RTF2: variants seen among roughly 807,000 people sequenced by gnomAD.
RTF2 encodes replication termination factor 2.
Under a neutral mutation model 38.0 loss-of-function variants are expected in RTF2, and 18 were observed. The observed-to-expected ratio is 0.47, with a 90% CI of 0.33 to 0.70. RTF2 has a LOEUF of 0.70. Ranked by LOEUF, RTF2 falls within the 30% of genes least tolerant of loss-of-function variation. The pLI, the probability that RTF2 is intolerant of heterozygous loss-of-function variation, is 0.02. For missense variants in RTF2, 311 were observed against 379.6 expected (o/e 0.82, Z 1.50); for synonymous variants, 126 against 137.1 (o/e 0.92, Z 0.57).
intron 6 of RTF2, 35 bp from the exon 7 acceptor site, chr20:56,516,900 G>C: frequency 1.2e-6 from 2 of 1,606,882 alleles, no homozygotes; most frequent in Non-Finnish European, 1.7e-6. Context: ...GAGTGAATCT[G>C]AGCACAGCCT....
intron 5 of RTF2, among the ~76,000 whole-genome samples, chr20:56,509,341 G>A (rs989727613): frequency 6.6e-6 from 1 of 152,196 alleles, no homozygotes; most frequent in Non-Finnish European, 1.5e-5. Flanking sequence ...AAATGGGCTG[G>A]TTGCAGTGGC....
At chr20:56,499,194 C>CTTTT (rs774875921) in intron 5 of RTF2, among the ~76,000 whole-genome samples, 14 of 133,038 alleles carry the variant, frequency 1.1e-4, no homozygotes, top group African/African-American at 3.4e-4. Context: ...TAATACTTAT[C>CTTTT]TTTTTTTTTT....
chr20:56,497,780 A>G, intron 5 of RTF2: 1 of 353,480 alleles, frequency 2.8e-6, no homozygotes, highest in South Asian at 2.6e-5. Flanking sequence ...AATCAAGATA[A>G]CAAGCATTTC....
chr20:56,477,472 T>C (rs1320711944), intron 4 of RTF2, among the ~76,000 whole-genome samples: 1 of 152,198 alleles, frequency 6.6e-6, no homozygotes, highest in Non-Finnish European at 1.5e-5. Flanking sequence ...AAAGAGCAAA[T>C]GTTTCCTATC....
Position 56,477,001 on chromosome 20 carries a change from A to G in RTF2, c.275A>G (p.Lys92Arg), listed in dbSNP as rs141536737. The G allele has an allele frequency of 3.1e-6, 5 of 1,613,948 alleles. No individual in the cohort carries two copies. Among genetic ancestry groups the G allele is most frequent in the Non-Finnish European group, 4.2e-6 (5 of 1,179,950 alleles). ...TTTTCCCAGAATGTGACAGAGCTGA[A>G]GCTTTCTGATAATCCTGCCTGGGAA... ...IKSIKNVTEL[K>R]LSDNPAWEGD... Residue 92 changes from lysine to arginine, a missense_variant, in exon 4 of 9, where the codon AAG becomes AGG. Physicochemically the swap from Lys to Arg is conservative, Grantham distance 26. Transcript: ENST00000357348.
Position 56,518,367 on chromosome 20 carries a change from T to G in RTF2, c.*102T>G. 1 of 1,205,420 alleles carries G rather than the reference T, an allele frequency of 8.3e-7. No homozygotes were observed. Among genetic ancestry groups the G allele is most frequent in the Non-Finnish European group, 1.2e-6 (1 of 858,576 alleles). 74.7% of individuals were successfully genotyped at this position (1,205,420 alleles called of 1,614,324 possible). ...GCGCTGCTGTGTGTTCTCTCTATAG[T>G]TCTGTGTCATAAAGCTGTCCTGGCC... On this transcript the variant is annotated 3_prime_UTR_variant, in exon 9 of 9. Transcript: ENST00000357348.
intron 5 of RTF2, chr20:56,496,590 G>A: frequency 6.9e-7 from 1 of 1,451,760 alleles, no homozygotes; most frequent in African/African-American, 1.4e-5. Context: ...TCTATCTGCT[G>A]CTGTTGCTGC....
intron 4 of RTF2, among the ~76,000 whole-genome samples, chr20:56,478,335 T>A (rs972695495): frequency 2.0e-5 from 3 of 151,382 alleles, no homozygotes; most frequent in African/African-American, 4.9e-5. Flanking sequence ...CGAAACAAAA[T>A]TTTTTTTTAA....
At chr20:56,506,174 T>C (rs1382039274) in intron 5 of RTF2, among the ~76,000 whole-genome samples, 2 of 152,228 alleles carry the variant, frequency 1.3e-5, no homozygotes, top group African/African-American at 4.8e-5. Context: ...CTGTGTCCAA[T>C]GTGGGCAGAA....
chr20:56,480,053 G>C (rs1049415479), intron 4 of RTF2, among the ~76,000 whole-genome samples: 16 of 152,116 alleles, frequency 1.1e-4, no homozygotes, highest in African/African-American at 3.1e-4. Context: ...GGCCTGTCCT[G>C]ATGCTTTGAA....
chr20:56,473,417 A>C (rs768994516), intron 2 of RTF2, 22 bp downstream of exon 2: 8 of 1,514,528 alleles, frequency 5.3e-6, no homozygotes, highest in Non-Finnish European at 6.3e-6. Context: ...ACACTTAATC[A>C]AGATGAGTTT....
intron 6 of RTF2, 32 bp from the exon 7 acceptor site, chr20:56,516,903 C>T: frequency 6.2e-7 from 1 of 1,608,030 alleles, no homozygotes; most frequent in Non-Finnish European, 8.5e-7. Flanking sequence ...TGAATCTGAG[C>T]ACAGCCTCCA....
At chr20:56,471,946 C>T (rs1981994189) in intron 1 of RTF2, among the ~76,000 whole-genome samples, 1 of 152,194 alleles carries the variant, frequency 6.6e-6, no homozygotes, top group South Asian at 2.1e-4. Flanking sequence ...TTCAGAGGGC[C>T]AGGTGTGTTG....
Position 56,517,034 on chromosome 20 carries a change from A to C in RTF2, c.646+45A>C, listed in dbSNP as rs757235236. ...CCTTATTTTAGCAAAATGCGACTCT[A>C]GGGCAGTCTGCTAATATGTTCATGC... On this transcript the variant is annotated intron_variant, in intron 7 of 8. Transcript: ENST00000357348. The C allele has an allele frequency of 2.5e-6, 4 of 1,605,976 alleles. No individual in the cohort carries two copies. In the African/African-American group the frequency reaches 5.4e-5, roughly 21 times the overall value.
At chr20:56,477,225 C>A in intron 4 of RTF2, 101 bp downstream of exon 4, 1 of 1,410,758 alleles carries the variant, frequency 7.1e-7, no homozygotes, top group Non-Finnish European at 9.8e-7. Context: ...GGCTTGCTTT[C>A]TGGTGTCCTT....
intron 5 of RTF2, among the ~76,000 whole-genome samples, chr20:56,492,876 C>T (rs1983255263): frequency 8.3e-6 from 1 of 119,892 alleles, no homozygotes; most frequent in South Asian, 2.5e-4. Context: ...AGTAATCCTA[C>T]TTTTAAAAAA....
At position 56,482,831 on chromosome 20, in the gene RTF2, C is replaced by A. The variant is rs373417431; in HGVS notation, c.399-1280C>A. The stretch of plus-strand genomic sequence containing the variant: ...AGTGCTTTATGCTGCTCTCCAGCCG[C>A]GGTGGAGGCATTATTCGTTGTTTGA... On this transcript the variant is annotated intron_variant, in intron 4 of 8. Coordinates refer to ENST00000357348, the MANE Select transcript of RTF2 (RefSeq NM_016407.5). 9.9e-5 allele frequency among the ~76,000 whole-genome samples: 15 copies of A among 152,238 alleles called. 1 individual carries two copies. The East Asian group carries it at 2.5e-3, about 25-fold the overall frequency.
At chr20:56,506,862 G>A (rs1489936187) in intron 5 of RTF2, among the ~76,000 whole-genome samples, 4 of 151,986 alleles carry the variant, frequency 2.6e-5, no homozygotes, top group East Asian at 3.9e-4. Context: ...CACCATGCCC[G>A]ACTAATTTTT....
chr20:56,510,756 A>G (rs1014876600), intron 5 of RTF2, among the ~76,000 whole-genome samples: 1 of 152,262 alleles, frequency 6.6e-6, no homozygotes, highest in African/African-American at 2.4e-5. Flanking sequence ...CCTGAACAAC[A>G]TGGCAAAACC....
Sources: gnomAD v4.1 joint callset for allele counts (sites outside exome capture counted in the v4.1 genomes callset) on GRCh38, gnomAD v4.1.1 for gene constraint, MANE v1.5 for transcripts, NCBI Gene and HGNC (gene_info 2026-07-23, HGNC 2026-07-21) for gene names.